DNAJC1: variants seen among roughly 807,000 people sequenced by gnomAD.
The protein encoded by DNAJC1 is DnaJ heat shock protein family (Hsp40) member C1, also known as dnaJ homolog subfamily C member 1.
DNAJC1 carries 58 observed loss-of-function variants against 76.6 expected under a neutral mutation model. The ratio of observed to expected loss-of-function variants is 0.76; its 90% CI spans 0.61 to 0.94. The LOEUF (loss-of-function observed/expected upper bound fraction) is 0.94, where lower values mean the gene tolerates loss of function less well. Among genes scored for constraint, DNAJC1 ranks in the 40% least tolerant of loss-of-function variants. The pLI, the probability that DNAJC1 is intolerant of heterozygous loss-of-function variation, is 0.00. For synonymous variants in DNAJC1, 258 were observed against 267.9 expected (o/e 0.96, Z 0.36); for missense variants, 689 against 677.3 (o/e 1.02, Z -0.19).
At chr10:21,849,248 G>C (rs148916025) in intron 8 of DNAJC1, among the ~76,000 whole-genome samples, 2 of 136,238 alleles carry the variant, frequency 1.5e-5, no homozygotes, top group Non-Finnish European at 3.0e-5. Flanking sequence ...AGCCGAGATC[G>C]TGCCACTGCA....
rs543874694 is a variant in DNAJC1, at chr10:21,942,519, A to G, written c.223-13378T>C. ...AATATAAGATATATATAAGATAAAT[A>G]TAAGCGGCCGGGCGCGGTGGCTCAC... On this transcript the variant is annotated intron_variant, in intron 1 of 11. Coordinates refer to ENST00000376980, the MANE Select transcript of DNAJC1 (RefSeq NM_022365.4). 3.9e-5 allele frequency among the ~76,000 whole-genome samples: 6 copies of G among 152,220 alleles called. No individual in the cohort carries two copies. In the East Asian group the frequency reaches 9.6e-4, roughly 24 times the overall value.
chr10:21,988,743 T>G (rs1445114053), intron 1 of DNAJC1, among the ~76,000 whole-genome samples: 1 of 152,172 alleles, frequency 6.6e-6, no homozygotes, highest in Non-Finnish European at 1.5e-5. Flanking sequence ...CCCCAGAAAG[T>G]CTTCTTCAGA....
chr10:21,934,882 T>G (rs552550772), intron 1 of DNAJC1, among the ~76,000 whole-genome samples: 2 of 152,312 alleles, frequency 1.3e-5, no homozygotes, highest in Non-Finnish European at 2.9e-5. Flanking sequence ...AAATCATTAG[T>G]TGACCAGAGA....
At chr10:21,832,629 G>A (rs1835378359) in intron 8 of DNAJC1, among the ~76,000 whole-genome samples, 1 of 152,084 alleles carries the variant, frequency 6.6e-6, no homozygotes, top group African/African-American at 2.4e-5. Flanking sequence ...GAACATTCAA[G>A]ATTTGTCCAG....
At chr10:21,851,736 T>TATCAATGG (rs1835758347) in intron 8 of DNAJC1, among the ~76,000 whole-genome samples, 1 of 152,122 alleles carries the variant, frequency 6.6e-6, no homozygotes, top group African/African-American at 2.4e-5. Flanking sequence ...CCCAAACATT[T>TATCAATGG]ATCAATGGAT....
chr10:21,966,594 G>A (rs755083563), intron 1 of DNAJC1, among the ~76,000 whole-genome samples: 4 of 150,964 alleles, frequency 2.6e-5, no homozygotes, highest in Non-Finnish European at 4.4e-5. Context: ...CCTTACTATC[G>A]TCATTCTGTT....
intron 1 of DNAJC1, among the ~76,000 whole-genome samples, chr10:21,971,175 T>C (rs897855384): frequency 8.6e-5 from 13 of 151,860 alleles, no homozygotes; most frequent in Non-Finnish European, 1.5e-4. Context: ...ATCTTACATG[T>C]AGCATAACAC....
At chr10:21,963,229 C>G (rs1007734963) in intron 1 of DNAJC1, among the ~76,000 whole-genome samples, 7 of 152,190 alleles carry the variant, frequency 4.6e-5, no homozygotes, top group African/African-American at 1.7e-4. Flanking sequence ...ATTAGTACAG[C>G]TATTTAGAAT....
At chr10:21,961,566 T>C (rs183939425) in intron 1 of DNAJC1, among the ~76,000 whole-genome samples, 152 of 151,902 alleles carry the variant, frequency 1.0e-3, no homozygotes, top group African/African-American at 3.3e-3. Context: ...TTACCAGGGG[T>C]TGGTGTGGGG....
At chr10:21,941,001 C>CAGCACTTTGGGAGGCCA (rs1837398100) in intron 1 of DNAJC1, among the ~76,000 whole-genome samples, 1 of 150,438 alleles carries the variant, frequency 6.6e-6, no homozygotes, top group South Asian at 2.1e-4. Flanking sequence ...CCTGTAATCC[C>CAGCACTTTGGGAGGCCA]AGCACTTTGG....
At chr10:21,924,037 C>T (rs1427330889) in intron 3 of DNAJC1, among the ~76,000 whole-genome samples, 1 of 151,884 alleles carries the variant, frequency 6.6e-6, no homozygotes, top group African/African-American at 2.4e-5. Context: ...ACAATAATAA[C>T]ATAATTTCCA....
intron 1 of DNAJC1, among the ~76,000 whole-genome samples, chr10:21,982,527 T>A (rs918875889): frequency 2.0e-5 from 3 of 152,044 alleles, no homozygotes; most frequent in Non-Finnish European, 4.4e-5. Context: ...CCAGAATATA[T>A]GAATAACTCC....
chr10:21,984,581 T>A (rs1027451993), intron 1 of DNAJC1, among the ~76,000 whole-genome samples: 1 of 152,198 alleles, frequency 6.6e-6, no homozygotes, highest in African/African-American at 2.4e-5. Flanking sequence ...AATGTACTTT[T>A]TAAACCCCAA....
At chr10:21,783,322 T>C (rs1414684994) in intron 9 of DNAJC1, among the ~76,000 whole-genome samples, 1 of 152,010 alleles carries the variant, frequency 6.6e-6, no homozygotes, top group Non-Finnish European at 1.5e-5. Flanking sequence ...GAGAATAAAA[T>C]ACCTAGGAAT....
At chr10:21,865,479 C>T (rs1327127585) in intron 8 of DNAJC1, 3 of 152,066 alleles carry the variant, frequency 2.0e-5, no homozygotes, top group Non-Finnish European at 4.4e-5. Context: ...ATAGAATTTA[C>T]ACTGTATGAT....
chr10:21,815,073 A>G (rs1835052970), intron 8 of DNAJC1, among the ~76,000 whole-genome samples: 1 of 152,330 alleles, frequency 6.6e-6, no homozygotes, highest in Non-Finnish European at 1.5e-5. Context: ...CACTGTGTCA[A>G]AGAGCTCTCA....
chr10:21,953,505 C>T (rs1837629390), intron 1 of DNAJC1, among the ~76,000 whole-genome samples: 1 of 150,498 alleles, frequency 6.6e-6, no homozygotes, highest in Non-Finnish European at 1.5e-5. Context: ...ATAAATTCAC[C>T]CTTAAATATT....
intron 6 of DNAJC1, among the ~76,000 whole-genome samples, chr10:21,916,286 G>A (rs1036252194): frequency 3.3e-5 from 5 of 152,044 alleles, no homozygotes; most frequent in African/African-American, 4.8e-5. Context: ...TCAGGAGATC[G>A]AGACCATCCT....
At chr10:21,974,455 A>C (rs954309312) in intron 1 of DNAJC1, among the ~76,000 whole-genome samples, 3 of 152,226 alleles carry the variant, frequency 2.0e-5, no homozygotes, top group Non-Finnish European at 2.9e-5. Flanking sequence ...GCACAGCACA[A>C]AATTTATGAT....
Sources: gnomAD v4.1 joint callset for allele counts (sites outside exome capture counted in the v4.1 genomes callset) on GRCh38, gnomAD v4.1.1 for gene constraint, MANE v1.5 for transcripts, NCBI Gene and HGNC (gene_info 2026-07-23, HGNC 2026-07-21) for gene names.